The following CCDC71L variants were observed in gnomAD, a reference collection of about 807,000 sequenced individuals.
CCDC71L encodes coiled-coil domain-containing protein 71L.
Under a neutral mutation model 10.2 loss-of-function variants are expected in CCDC71L, and 6 were observed. That is an observed-to-expected ratio of 0.59 (90% CI 0.32 to 1.16). CCDC71L has a LOEUF of 1.16. Ranked by LOEUF, CCDC71L falls within the 50% of genes most tolerant of loss-of-function variation. The pLI, the probability that CCDC71L is intolerant of heterozygous loss-of-function variation, is 0.05. For synonymous variants in CCDC71L, 204 were observed against 175.5 expected, an observed-to-expected ratio of 1.16 and a Z score of -1.28; for missense variants, 366 against 383.4, an observed-to-expected ratio of 0.95 and a Z score of 0.38.
At position 106,661,009 on chromosome 7, in the gene CCDC71L, T is replaced by A. The variant is rs1792590456; in HGVS notation, c.-113A>T. 2.4e-6 allele frequency: 3 copies of A among 1,271,260 alleles called. No individual in the cohort carries two copies. The highest frequency in any genetic ancestry group is 5.4e-5 in the South Asian group (2 of 37,046). 78.7% of individuals were successfully genotyped at this position (1,271,260 alleles called of 1,614,324 possible). ...CTGCTGGCGTCTCTCGCTACTTTTCTCGCCTCCGCCGCCGCCCCTCCCCCT... is the reference window on the plus strand; with the variant it reads ...CTGCTGGCGTCTCTCGCTACTTTTCACGCCTCCGCCGCCGCCCCTCCCCCT... On this transcript the variant is annotated 5_prime_UTR_variant, in exon 1 of 1. Coordinates refer to ENST00000523505, the MANE Select transcript of CCDC71L (RefSeq NM_175884.6).
Position 106,660,447 on chromosome 7 carries a change from T to C in CCDC71L, c.450A>G (p.Pro150=). 1 of 1,156,986 alleles carries C rather than the reference T, an allele frequency of 8.6e-7. No homozygotes were observed. The highest frequency in any genetic ancestry group is 4.2e-5 in the South Asian group (1 of 23,754). 71.7% of individuals were successfully genotyped at this position (1,156,986 alleles called of 1,614,324 possible). ...AAARRRKPRP[P]PPPPPPPEES... ...CCTCGGGGGGCGGCGGCGGTGGGGG[T>C]GGCGGCCGGGGCTTCCTCCTGCGGG... is the stretch of plus-strand genomic sequence containing the variant. Residue 150 remains proline, a synonymous_variant, in exon 1 of 1, where the codon CCA becomes CCG. Coordinates refer to ENST00000523505, the MANE Select transcript of CCDC71L (RefSeq NM_175884.6). The surrounding 1 kb of genome is among the most constrained non-coding windows in gnomAD (Gnocchi z 7.5).
Position 106,660,091 on chromosome 7 carries a change from C to A in CCDC71L, c.*98G>T. The A allele has an allele frequency of 7.3e-7, 1 of 1,369,802 alleles. No homozygotes were observed. Among genetic ancestry groups the A allele is most frequent in the Non-Finnish European group, 9.4e-7 (1 of 1,060,696 alleles). The allele number at this position is 1,369,802 out of a possible 1,614,324, so 84.9% of individuals were successfully genotyped here. A position where few individuals can be genotyped will look rare whatever the true frequency, so the allele number is the denominator to read the frequency against. ...AGTGCATTGGGGGCCGGGGTCCTGG[C>A]CGGATCTGTAAACACTCGACTGACA... On this transcript the variant is annotated 3_prime_UTR_variant, in exon 1 of 1. Coordinates refer to ENST00000523505, the MANE Select transcript of CCDC71L (RefSeq NM_175884.6). This position sits in a 1 kb window ranked among gnomAD's most constrained non-coding sequence, Gnocchi z 7.5.
At position 106,659,422 on chromosome 7, in the gene CCDC71L, A is replaced by G. The variant is rs553242560; in HGVS notation, c.*767T>C. On this transcript the variant is annotated 3_prime_UTR_variant, in exon 1 of 1. Coordinates refer to ENST00000523505, the MANE Select transcript of CCDC71L (RefSeq NM_175884.6). Reference sequence around the variant, plus strand: ...TTTAACAAGTTAACTTTTCCTAAACAAAAGTTTTCATGTGTATTCTACCAT... The same window carrying G: ...TTTAACAAGTTAACTTTTCCTAAACGAAAGTTTTCATGTGTATTCTACCAT... The G allele has an allele frequency of 6.6e-6, 1 of 152,306 alleles. No homozygotes were observed. The highest frequency in any genetic ancestry group is 1.9e-4 in the East Asian group (1 of 5,182). The allele number at this position is 152,306 out of a possible 1,614,324, so 9.4% of individuals were successfully genotyped here. A position where few individuals can be genotyped will look rare whatever the true frequency, so the allele number is the denominator to read the frequency against.
chr7:106,660,437 G>C lies in CCDC71L; in HGVS notation c.460C>G (p.Pro154Ala), dbSNP rs955982685. ...RRKPRPPPPP[P>A]PPPEESCPAK... The stretch of plus-strand genomic sequence containing the variant: ...GGGCAGCTCTCCTCGGGGGGCGGCG[G>C]CGGTGGGGGTGGCGGCCGGGGCTTC... Residue 154 changes from proline (P) to alanine (A), a missense_variant, in exon 1 of 1, where the codon CCG (proline) becomes GCG (alanine). By Grantham distance (27) the Pro-to-Ala change is conservative. Transcript: ENST00000523505. This position sits in a 1 kb window ranked among gnomAD's most constrained non-coding sequence, Gnocchi z 7.5. 6 of 1,233,618 alleles carry C rather than the reference G, an allele frequency of 4.9e-6. No homozygotes were observed. In the African/African-American group the frequency reaches 7.8e-5, roughly 16 times the overall value. 76.4% of individuals were successfully genotyped at this position (1,233,618 alleles called of 1,614,324 possible).
Position 106,660,732 on chromosome 7 carries a change from C to G in CCDC71L, c.165G>C (p.Ala55=). Reference sequence around the variant, plus strand: ...TGAAGAGCTTGAAGGCGTCGCCCAGCGCCTTGGTGCTGTCAGCCAGCGACA... The same window carrying G: ...TGAAGAGCTTGAAGGCGTCGCCCAGGGCCTTGGTGCTGTCAGCCAGCGACA... ...SQLSLADSTK[A]LGDAFKLFMP... is the part of the protein sequence containing the mutation. Residue 55 remains alanine, a synonymous_variant, in exon 1 of 1, where the codon GCG becomes GCC. Transcript: ENST00000523505. The surrounding 1 kb of genome is among the most constrained non-coding windows in gnomAD (Gnocchi z 7.5). The G allele has an allele frequency of 6.4e-7, 1 of 1,572,388 alleles. No individual in the cohort carries two copies.
Position 106,659,489 on chromosome 7 carries a change from A to C in CCDC71L, c.*700T>G, listed in dbSNP as rs1397641976. 1.3e-5 allele frequency: 2 copies of C among 152,636 alleles called. No homozygotes were observed. Among genetic ancestry groups the C allele is most frequent in the Non-Finnish European group, 2.9e-5 (2 of 68,032 alleles). 9.5% of individuals were successfully genotyped at this position (152,636 alleles called of 1,614,324 possible). ...AATATAAACATTGTTTCAATACAAA[A>C]CCTTTAAAAATACCTTGAAAATGTT... is the stretch of plus-strand genomic sequence containing the variant. On this transcript the variant is annotated 3_prime_UTR_variant, in exon 1 of 1. Transcript: ENST00000523505.
chr7:106,655,934 C>T lies in CCDC71L; in HGVS notation c.*4255G>A, dbSNP rs1369723018. Among the ~76,000 whole-genome samples, 2 of 152,138 alleles carry T rather than the reference C, an allele frequency of 1.3e-5. No homozygotes were observed. The highest frequency in any genetic ancestry group is 1.3e-4 in the Admixed American group (2 of 15,272). ...AGAGCTAAACTCACAACGGACCACT[C>T]TCAGCTTATATACCTATTCTCACTG... is the stretch of plus-strand genomic sequence containing the variant. On this transcript the variant is annotated 3_prime_UTR_variant, in exon 1 of 1. Coordinates refer to ENST00000523505, the MANE Select transcript of CCDC71L (RefSeq NM_175884.6).
In CCDC71L at chr7:106,656,527, C is replaced by A. The variant is rs1792494033; in HGVS notation, c.*3662G>T. On this transcript the variant is annotated 3_prime_UTR_variant, in exon 1 of 1. Transcript: ENST00000523505. ...TTTTTGTAGGATATTTTATTGCTGGCAAACTGGTTAATAAGTTGGGCTTGT... is the reference window on the plus strand; with the variant it reads ...TTTTTGTAGGATATTTTATTGCTGGAAAACTGGTTAATAAGTTGGGCTTGT... Among the ~76,000 whole-genome samples, 1 of 151,226 alleles carries A rather than the reference C, an allele frequency of 6.6e-6. No individual in the cohort carries two copies. Among genetic ancestry groups the A allele is most frequent in the Non-Finnish European group, 1.5e-5 (1 of 67,850 alleles).
At position 106,658,969 on chromosome 7, in the gene CCDC71L, TCTAGA is replaced by T. The variant is rs1285518996; in HGVS notation, c.*1215_*1219del. 4 of 152,170 alleles carry T rather than the reference TCTAGA, an allele frequency of 2.6e-5. No individual in the cohort carries two copies. The East Asian group carries it at 5.8e-4, about 22-fold the overall frequency. The allele number at this position is 152,170 out of a possible 1,614,324, so 9.4% of individuals were successfully genotyped here. On this transcript the variant is annotated 3_prime_UTR_variant, in exon 1 of 1. Coordinates refer to ENST00000523505, the MANE Select transcript of CCDC71L (RefSeq NM_175884.6). ...TGTTTGTAAAACTGATGAATATTAGTCTAGACATTTCTTGTTATCCAACAACAAAA... is the reference window on the plus strand; with the variant it reads ...TGTTTGTAAAACTGATGAATATTAGTCATTTCTTGTTATCCAACAACAAAA...
rs768443347 is a variant in CCDC71L, at chr7:106,660,234, C to T, written c.663G>A (p.Leu221=). Residue 221 remains leucine, a synonymous_variant, in exon 1 of 1, where the codon CTG becomes CTA. Transcript: ENST00000523505. This position sits in a 1 kb window ranked among gnomAD's most constrained non-coding sequence, Gnocchi z 7.5. The part of the protein sequence containing the change: ...RRARQVLRVN[L]EPMVRLRRFP... ...AGCGGCGGAGCCTCACCATGGGTTCCAGGTTCACTCGCAGGACCTGGCGCG... is the reference window on the plus strand; with the variant it reads ...AGCGGCGGAGCCTCACCATGGGTTCTAGGTTCACTCGCAGGACCTGGCGCG... 1.3e-6 allele frequency: 2 copies of T among 1,578,096 alleles called. No homozygotes were observed. Among genetic ancestry groups the T allele is most frequent in the Admixed American group, 1.7e-5 (1 of 58,750 alleles).
rs745474880 is a variant in CCDC71L at position 106,660,657 on chromosome 7, G to A, written c.240C>T (p.Phe80=). The change falls in exon 1 of 1, where the codon TTC becomes TTT. Residue 80 remains phenylalanine (F), a synonymous_variant. Transcript: ENST00000523505. This position sits in a 1 kb window ranked among gnomAD's most constrained non-coding sequence, Gnocchi z 7.5. ...FMSSDAELWS[F]LCSLKHQFSP... is the part of the protein sequence containing the mutation. ...AGAACTGGTGCTTGAGGCTGCAGAG[G>A]AAGCTCCAGAGCTCCGCGTCCGAGC... 1.1e-5 allele frequency: 17 copies of A among 1,588,510 alleles called. No individual in the cohort carries two copies. The highest frequency in any genetic ancestry group is 1.8e-5 in the Admixed American group (1 of 56,710).
Position 106,660,567 on chromosome 7 carries a change from G to A in CCDC71L, c.330C>T (p.Asp110=), listed in dbSNP as rs1421673791. The change falls in exon 1 of 1, where the codon GAC becomes GAT. Residue 110 remains aspartate, a synonymous_variant. Transcript: ENST00000523505. This position sits in a 1 kb window ranked among gnomAD's most constrained non-coding sequence, Gnocchi z 7.5. ...CGCGGGCTGTAGGGGGCCCCGGGGGGTCGGGTACCAGGGCCCGGCAGGAGG... is the reference window on the plus strand; with the variant it reads ...CGCGGGCTGTAGGGGGCCCCGGGGGATCGGGTACCAGGGCCCGGCAGGAGG... ...GYSSCRALVP[D]PPGPPTARGQ... The A allele has an allele frequency of 1.4e-5, 21 of 1,539,828 alleles. No individual in the cohort carries two copies. The highest frequency in any genetic ancestry group is 1.6e-5 in the Non-Finnish European group (18 of 1,144,328).
In CCDC71L at chr7:106,661,033, C is replaced by G; in HGVS notation, c.-137G>C. The G allele has an allele frequency of 8.2e-7, 1 of 1,218,146 alleles. No homozygotes were observed. The highest frequency in any genetic ancestry group is 1.0e-6 in the Non-Finnish European group (1 of 953,960). 75.5% of individuals were successfully genotyped at this position (1,218,146 alleles called of 1,614,324 possible). The stretch of plus-strand genomic sequence containing the variant: ...CTCGCCTCCGCCGCCGCCCCTCCCC[C>G]TCCGAGGGCGGAGGACGCGGGCGAA... On this transcript the variant is annotated 5_prime_UTR_variant, in exon 1 of 1. Transcript: ENST00000523505.
rs1399671091 is a variant in CCDC71L, at chr7:106,660,427, G to C, written c.470C>G (p.Pro157Arg). 3.2e-6 allele frequency: 4 copies of C among 1,238,594 alleles called. No individual in the cohort carries two copies. The South Asian group carries it at 1.1e-4, about 34-fold the overall frequency. The allele number at this position is 1,238,594 out of a possible 1,614,324, so 76.7% of individuals were successfully genotyped here. ...GGGCTTGGCCGGGCAGCTCTCCTCG[G>C]GGGGCGGCGGCGGTGGGGGTGGCGG... ...PRPPPPPPPP[P>R]EESCPAKPVA... Residue 157 changes from proline (P) to arginine (R), a missense_variant, in exon 1 of 1, where the codon CCC (proline) becomes CGC (arginine). Coordinates refer to ENST00000523505, the MANE Select transcript of CCDC71L (RefSeq NM_175884.6). This position sits in a 1 kb window ranked among gnomAD's most constrained non-coding sequence, Gnocchi z 7.5.
In CCDC71L at chr7:106,655,335, T is replaced by G. The variant is rs1408355834; in HGVS notation, c.*4854A>C. The stretch of plus-strand genomic sequence containing the variant: ...AGAGGATGTTCTATTCTCTGTGCTA[T>G]GAGGAATTAAACCTAAATTACAGGC... On this transcript the variant is annotated 3_prime_UTR_variant, in exon 1 of 1. Coordinates refer to ENST00000523505, the MANE Select transcript of CCDC71L (RefSeq NM_175884.6). Among the ~76,000 whole-genome samples, 1 of 152,210 alleles carries G rather than the reference T, an allele frequency of 6.6e-6. No individual in the cohort carries two copies. Among genetic ancestry groups the G allele is most frequent in the Non-Finnish European group, 1.5e-5 (1 of 68,018 alleles).
At position 106,660,380 on chromosome 7, in the gene CCDC71L, C is replaced by T; in HGVS notation, c.517G>A (p.Gly173Arg). 3 of 1,354,226 alleles carry T rather than the reference C, an allele frequency of 2.2e-6. No homozygotes were observed. Among genetic ancestry groups the T allele is most frequent in the East Asian group, 3.1e-5 (1 of 31,970 alleles). 83.9% of individuals were successfully genotyped at this position (1,354,226 alleles called of 1,614,324 possible). A position where few individuals can be genotyped will look rare whatever the true frequency, so the allele number is the denominator to read the frequency against. Residue 173 changes from glycine to arginine, a missense_variant, in exon 1 of 1, where the codon GGG (glycine) becomes AGG (arginine). Transcript: ENST00000523505. The surrounding 1 kb of genome is among the most constrained non-coding windows in gnomAD (Gnocchi z 7.5). The part of the protein sequence containing the change: ...AKPVAPGPCF[G>R]GRTLEEIWRA... The stretch of plus-strand genomic sequence containing the variant: ...CAGATCTCCTCCAAGGTGCGGCCCC[C>T]GAAGCAGGGCCCGGGGGCCACGGGC...
At position 106,657,122 on chromosome 7, in the gene CCDC71L, T is replaced by C. The variant is rs1340403132; in HGVS notation, c.*3067A>G. ...CTATCATTTGCACACAGCAGATCAA[T>C]AGGTGTCAGTCACCAGCTTAAGTTA... On this transcript the variant is annotated 3_prime_UTR_variant, in exon 1 of 1. Coordinates refer to ENST00000523505, the MANE Select transcript of CCDC71L (RefSeq NM_175884.6). 1.3e-5 allele frequency: 2 copies of C among 152,210 alleles called. No homozygotes were observed. Among genetic ancestry groups the C allele is most frequent in the African/African-American group, 4.8e-5 (2 of 41,452 alleles). The allele number at this position is 152,210 out of a possible 1,614,324, so 9.4% of individuals were successfully genotyped here. A position where few individuals can be genotyped will look rare whatever the true frequency, so the allele number is the denominator to read the frequency against.
In CCDC71L at chr7:106,660,874, C is replaced by CGCCTCT. The variant is rs1288680422; in HGVS notation, c.17_22dup (p.Arg7_Arg8insGlnArg). 6.9e-7 allele frequency: 1 copy of CGCCTCT among 1,459,406 alleles called. No homozygotes were observed. The highest frequency in any genetic ancestry group is 9.0e-7 in the Non-Finnish European group (1 of 1,112,800). 90.4% of individuals were successfully genotyped at this position (1,459,406 alleles called of 1,614,324 possible). A position where few individuals can be genotyped will look rare whatever the true frequency, so the allele number is the denominator to read the frequency against. On this transcript the variant is annotated inframe_insertion, in exon 1 of 1. Coordinates refer to ENST00000523505, the MANE Select transcript of CCDC71L (RefSeq NM_175884.6). This position sits in a 1 kb window ranked among gnomAD's most constrained non-coding sequence, Gnocchi z 7.5. ...CGGGGCGACCGGGCGCCGGCGCCGCCGCCTCTTCATACTGCGCCGCATCGA... is the reference window on the plus strand; with the variant it reads ...CGGGGCGACCGGGCGCCGGCGCCGCCGCCTCTGCCTCTTCATACTGCGCCGCATCGA...
Position 106,660,984 on chromosome 7 carries a change from C to G in CCDC71L, c.-88G>C. On this transcript the variant is annotated 5_prime_UTR_variant, in exon 1 of 1. Coordinates refer to ENST00000523505, the MANE Select transcript of CCDC71L (RefSeq NM_175884.6). The surrounding 1 kb of genome is among the most constrained non-coding windows in gnomAD (Gnocchi z 7.5). The stretch of plus-strand genomic sequence containing the variant: ...CGCGTTGGCTCCGCGGCGGCGGCTG[C>G]TGCTGGCGTCTCTCGCTACTTTTCT... 2 of 1,293,432 alleles carry G rather than the reference C, an allele frequency of 1.5e-6. No individual in the cohort carries two copies. Among genetic ancestry groups the G allele is most frequent in the South Asian group, 2.5e-5 (1 of 39,274 alleles). The allele number at this position is 1,293,432 out of a possible 1,614,324, so 80.1% of individuals were successfully genotyped here.
Sources: allele counts gnomAD v4.1 joint callset (sites outside exome capture counted in the v4.1 genomes callset), GRCh38; gene constraint gnomAD v4.1.1; non-coding constraint Gnocchi (gnomAD v3.1); transcripts MANE v1.5; gene names NCBI Gene and HGNC (gene_info 2026-07-23, HGNC 2026-07-21).